CLEC2D: variants seen among roughly 807,000 people sequenced by gnomAD.
CLEC2D encodes C-type lectin related f.
A neutral mutation model predicts 20.0 loss-of-function variants in CLEC2D; 16 were observed. That is an observed-to-expected ratio of 0.80 (90% CI 0.54 to 1.22). CLEC2D has a LOEUF of 1.22. Among genes scored for constraint, CLEC2D ranks in the 50% most tolerant of loss-of-function variants. CLEC2D has a pLI of 0.00. For missense variants in CLEC2D, 207 were observed against 221.5 expected (o/e 0.93, Z 0.42); for synonymous variants, 77 against 71.1 (o/e 1.08, Z -0.42).
At chr12:9,692,487 C>G (rs1404696836) in intron 3 of CLEC2D, among the ~76,000 whole-genome samples, 1 of 152,036 alleles carries the variant, frequency 6.6e-6, no homozygotes, top group Non-Finnish European at 1.5e-5. Context: ...AAATTCTATT[C>G]TAGGACAGGT....
intron 2 of CLEC2D, 138 bp downstream of exon 2, chr12:9,681,171 T>G (rs1865627945): frequency 7.6e-6 from 4 of 528,702 alleles, no homozygotes; most frequent in Non-Finnish European, 1.3e-5. Context: ...AATAACTTTT[T>G]AAGTGGCACC....
Position 9,692,739 on chromosome 12 carries a change from G to C in CLEC2D, c.358-89G>C, listed in dbSNP as rs3213727. On this transcript the variant is annotated intron_variant, in intron 3 of 4. Coordinates refer to ENST00000290855, the MANE Select transcript of CLEC2D (RefSeq NM_013269.6). ...AAAATCAAAAGGAAGAAAATTATGAGTAGTTAAGAATATAGCATAGCAGCA... is the reference window on the plus strand; with the variant it reads ...AAAATCAAAAGGAAGAAAATTATGACTAGTTAAGAATATAGCATAGCAGCA... 1.4e-4 allele frequency: 108 copies of C among 767,654 alleles called. No homozygotes were observed. In the East Asian group the frequency reaches 2.9e-3, roughly 21 times the overall value. 47.6% of individuals were successfully genotyped at this position (767,654 alleles called of 1,614,324 possible).
chr12:9,690,906 A>G (rs1865847666), intron 3 of CLEC2D, among the ~76,000 whole-genome samples: 1 of 152,082 alleles, frequency 6.6e-6, no homozygotes, highest in Admixed American at 6.5e-5. Flanking sequence ...TGTTTTAGTA[A>G]TCACATTAAA....
Position 9,699,272 on chromosome 12 carries a change from A to G in CLEC2D, c.*4398A>G, listed in dbSNP as rs1866071876. ...TATAGATTTGTTTGCCATTTATCCT[A>G]TTAATCTGCATTCTGTCAATTGTGG... On this transcript the variant is annotated 3_prime_UTR_variant, in exon 5 of 5. Coordinates refer to ENST00000290855, the MANE Select transcript of CLEC2D (RefSeq NM_013269.6). 1 of 152,186 alleles carries G rather than the reference A, an allele frequency of 6.6e-6. No individual in the cohort carries two copies. The highest frequency in any genetic ancestry group is 1.5e-5 in the Non-Finnish European group (1 of 68,038). The allele number at this position is 152,186 out of a possible 1,614,324, so 9.4% of individuals were successfully genotyped here.
chr12:9,675,475 TG>T (rs932855968), intron 1 of CLEC2D, among the ~76,000 whole-genome samples: 2 of 152,226 alleles, frequency 1.3e-5, no homozygotes, highest in African/African-American at 4.8e-5. Flanking sequence ...ATTACAGGCG[TG>T]AGCCACCGCG....
At chr12:9,678,123 T>C (rs1291294666) in intron 1 of CLEC2D, among the ~76,000 whole-genome samples, 1 of 152,200 alleles carries the variant, frequency 6.6e-6, no homozygotes, top group Non-Finnish European at 1.5e-5. Flanking sequence ...CCTCACGTAG[T>C]TAAATACTCT....
rs1354593735 is a variant in CLEC2D at position 9,695,867 on chromosome 12, A to T, written c.*993A>T. ...CTTGCTGCTGCTGCTGATGATGATG[A>T]TGATGAAGATGATGATGATGATGAT... On this transcript the variant is annotated 3_prime_UTR_variant, in exon 5 of 5. Coordinates refer to ENST00000290855, the MANE Select transcript of CLEC2D (RefSeq NM_013269.6). The T allele has an allele frequency of 1.2e-5, 13 of 1,048,954 alleles. No individual in the cohort carries two copies. Among genetic ancestry groups the T allele is most frequent in the Non-Finnish European group, 1.8e-5 (12 of 680,340 alleles). The allele number at this position is 1,048,954 out of a possible 1,614,324, so 65.0% of individuals were successfully genotyped here.
intron 1 of CLEC2D, among the ~76,000 whole-genome samples, chr12:9,674,624 A>G (rs973052208): frequency 2.6e-5 from 4 of 152,366 alleles, no homozygotes; most frequent in East Asian, 1.9e-4. Flanking sequence ...CCAGTAATGC[A>G]TGAGACTTCT....
chr12:9,692,188 T>A (rs1470753396), intron 3 of CLEC2D, among the ~76,000 whole-genome samples: 1 of 152,142 alleles, frequency 6.6e-6, no homozygotes, highest in Non-Finnish European at 1.5e-5. Flanking sequence ...CAGGCTGGAG[T>A]GCAGTGGCGT....
intron 1 of CLEC2D, among the ~76,000 whole-genome samples, chr12:9,679,660 C>G (rs1183927885): frequency 6.6e-6 from 1 of 152,092 alleles, no homozygotes; most frequent in Non-Finnish European, 1.5e-5. Context: ...ATTTTTAATT[C>G]AGTATTTCTG....
intron 3 of CLEC2D, among the ~76,000 whole-genome samples, chr12:9,690,495 A>C (rs1232946393): frequency 6.6e-6 from 1 of 152,058 alleles, no homozygotes; most frequent in Non-Finnish European, 1.5e-5. Context: ...TATAGTTTAT[A>C]ACTTCTCCTA....
intron 1 of CLEC2D, among the ~76,000 whole-genome samples, chr12:9,677,665 C>T (rs1336738610): frequency 2.8e-5 from 4 of 145,232 alleles, no homozygotes; most frequent in Admixed American, 6.8e-5. Context: ...CACCTAAGTT[C>T]TACTGATTTT....
intron 1 of CLEC2D, among the ~76,000 whole-genome samples, chr12:9,672,995 A>T (rs1467771096): frequency 6.6e-6 from 1 of 151,968 alleles, no homozygotes; most frequent in Non-Finnish European, 1.5e-5. Flanking sequence ...GCTTCTTTGC[A>T]TTGGGTTAGA....
chr12:9,677,867 G>A (rs756717560), intron 1 of CLEC2D, among the ~76,000 whole-genome samples: 1 of 151,878 alleles, frequency 6.6e-6, no homozygotes, highest in Admixed American at 6.6e-5. Flanking sequence ...TGGGAATACC[G>A]GCAAATACCA....
intron 2 of CLEC2D, 61 bp downstream of exon 2, chr12:9,681,094 G>A (rs1865626530): frequency 1.1e-6 from 1 of 891,410 alleles, no homozygotes; most frequent in Non-Finnish European, 1.8e-6. Context: ...AGAAGAGGAA[G>A]AATCTGAATA....
At chr12:9,693,980 T>A in intron 4 of CLEC2D, 1 of 296,936 alleles carries the variant, frequency 3.4e-6, no homozygotes, top group Non-Finnish European at 6.2e-6. Flanking sequence ...TTTTTTTTTT[T>A]TTTTTTTTTT....
rs1865959171 is a variant in CLEC2D at position 9,695,358 on chromosome 12, C to T, written c.*484C>T. ...TCATTTATCTTCGTCTGCCTTGTCT[C>T]CTACCTAAGTGTGTGTCGCCACCCG... On this transcript the variant is annotated 3_prime_UTR_variant, in exon 5 of 5. Transcript: ENST00000290855. The T allele has an allele frequency of 8.3e-7, 1 of 1,209,706 alleles. No individual in the cohort carries two copies. The highest frequency in any genetic ancestry group is 1.2e-6 in the Non-Finnish European group (1 of 828,280). The allele number at this position is 1,209,706 out of a possible 1,614,324, so 74.9% of individuals were successfully genotyped here.
chr12:9,684,639 CAT>C (rs1865714440), intron 2 of CLEC2D, among the ~76,000 whole-genome samples: 1 of 152,244 alleles, frequency 6.6e-6, no homozygotes, highest in East Asian at 1.9e-4. Context: ...TTGAGATCAT[CAT>C]GTGGTTTTTG....
intron 3 of CLEC2D, 103 bp from the exon 4 acceptor site, chr12:9,692,721 AAAGG>A (rs757179425): frequency 4.4e-5 from 30 of 686,634 alleles, no homozygotes; most frequent in East Asian, 2.2e-4. Flanking sequence ...TACAAAATCA[AAAGG>A]AAGAAAATTA....
Sources: allele counts gnomAD v4.1 joint callset (sites outside exome capture counted in the v4.1 genomes callset), GRCh38; gene constraint gnomAD v4.1.1; transcripts MANE v1.5; gene names NCBI Gene and HGNC (gene_info 2026-07-23, HGNC 2026-07-21).